Variants in FTCDNL1 observed in about 807,000 individuals in gnomAD.
FTCDNL1 encodes formiminotransferase cyclodeaminase N-terminal like.
FTCDNL1 carries 11 observed loss-of-function variants against 5.9 expected under a neutral mutation model. The ratio of observed to expected loss-of-function variants is 1.87; its 90% CI spans 1.18 to 3.10. The LOEUF (loss-of-function observed/expected upper bound fraction) is 3.10, where lower values mean the gene tolerates loss of function less well. Among genes scored for constraint, FTCDNL1 ranks in the 30% most tolerant of loss-of-function variants. The probability of loss-of-function intolerance (pLI) is 0.00; values close to 1 mark genes in which losing one functional copy is unlikely to be tolerated. For missense variants in FTCDNL1, 115 were observed against 65.5 expected (o/e 1.76, Z -2.61); for synonymous variants, 58 against 24.8 (o/e 2.34, Z -3.99).
chr2:199,729,107 A>G, the FTCDNL1 span, among the ~76,000 whole-genome samples: 2 of 152,360 alleles, frequency 1.3e-5, no homozygotes, highest in Admixed American at 1.3e-4. Flanking sequence ...CTGCGATGAG[A>G]TGACGGAATA....
the FTCDNL1 span, among the ~76,000 whole-genome samples, chr2:199,721,447 G>A: frequency 0.21 from 31,667 of 152,060 alleles, 3,554 homozygotes; most frequent in East Asian, 0.33. Context: ...AAAGGACATA[G>A]TCTCATTCCT....
downstream of FTCDNL1, among the ~76,000 whole-genome samples, chr2:199,758,101 A>G (rs1255765127): frequency 6.6e-6 from 1 of 152,092 alleles, no homozygotes; most frequent in African/African-American, 2.4e-5. Flanking sequence ...CTGGGGGTCC[A>G]AAAGGAAAAT....
chr2:199,689,823 A>AAAAAAG, the FTCDNL1 span, among the ~76,000 whole-genome samples: 33 of 151,828 alleles, frequency 2.2e-4, no homozygotes, highest in Non-Finnish European at 4.3e-4. Flanking sequence ...AAAAAAAAAA[A>AAAAAAG]AAAAAAGAAT....
chr2:199,685,555 G>C, the FTCDNL1 span, among the ~76,000 whole-genome samples: 26 of 152,128 alleles, frequency 1.7e-4, no homozygotes, highest in African/African-American at 5.6e-4. Context: ...ATCACGGTTA[G>C]AGTCTTGCTG....
chr2:199,848,196 A>T (rs1303766650), intron 2 of FTCDNL1, among the ~76,000 whole-genome samples: 2 of 152,232 alleles, frequency 1.3e-5, no homozygotes, highest in Non-Finnish European at 2.9e-5. Context: ...GGAACATTTT[A>T]AAAAATGAAA....
intron 3 of FTCDNL1, among the ~76,000 whole-genome samples, chr2:199,825,278 T>C (rs1345331590): frequency 6.6e-6 from 1 of 152,110 alleles, no homozygotes; most frequent in Non-Finnish European, 1.5e-5. Context: ...ATGGACTCAC[T>C]TGATGCAGGG....
At chr2:199,830,769 C>T (rs992131285) in intron 3 of FTCDNL1, among the ~76,000 whole-genome samples, 6 of 152,098 alleles carry the variant, frequency 3.9e-5, no homozygotes, top group African/African-American at 1.4e-4. Flanking sequence ...TACACATGCA[C>T]GAGATACAGA....
downstream of FTCDNL1, among the ~76,000 whole-genome samples, chr2:199,757,273 C>T (rs970226516): frequency 2.0e-5 from 3 of 152,040 alleles, no homozygotes; most frequent in Non-Finnish European, 4.4e-5. Context: ...TTTCTCTTTG[C>T]TATTTTGTGA....
At chr2:199,677,120 C>G in the FTCDNL1 span, among the ~76,000 whole-genome samples, 3 of 152,104 alleles carry the variant, frequency 2.0e-5, no homozygotes, top group African/African-American at 7.2e-5. Flanking sequence ...TTTCAATGTG[C>G]CATGTGTGTA....
intron 3 of FTCDNL1, among the ~76,000 whole-genome samples, chr2:199,822,526 G>A (rs1016937087): frequency 1.3e-5 from 2 of 152,190 alleles, no homozygotes; most frequent in East Asian, 1.9e-4. Flanking sequence ...GATGGCTGCC[G>A]AAGGCTGGAG....
intron 3 of FTCDNL1, among the ~76,000 whole-genome samples, chr2:199,828,528 T>C (rs1702169532): frequency 6.6e-6 from 1 of 152,212 alleles, no homozygotes; most frequent in Admixed American, 6.5e-5. Context: ...AAACTTGAGC[T>C]TGTGAAAGAG....
chr2:199,716,645 T>A, the FTCDNL1 span, among the ~76,000 whole-genome samples: 1 of 152,160 alleles, frequency 6.6e-6, no homozygotes, highest in Non-Finnish European at 1.5e-5. Flanking sequence ...AATGGAGGCT[T>A]CTGATTATTT....
At chr2:199,689,733 C>A in the FTCDNL1 span, among the ~76,000 whole-genome samples, 1 of 151,092 alleles carries the variant, frequency 6.6e-6, no homozygotes, top group Non-Finnish European at 1.5e-5. Flanking sequence ...ATCGCTTAAA[C>A]CCAGGAGGCA....
chr2:199,712,987 AT>A, the FTCDNL1 span, among the ~76,000 whole-genome samples: 3 of 152,340 alleles, frequency 2.0e-5, no homozygotes, highest in South Asian at 6.2e-4. Flanking sequence ...TGGGGACACA[AT>A]TCAACCTACA....
the FTCDNL1 span, among the ~76,000 whole-genome samples, chr2:199,701,039 C>T: frequency 6.6e-6 from 1 of 151,960 alleles, no homozygotes; most frequent in Admixed American, 6.6e-5. Context: ...AAAAACTGTC[C>T]TTGGAGTTAT....
At chr2:199,682,677 T>C in the FTCDNL1 span, among the ~76,000 whole-genome samples, 6 of 152,338 alleles carry the variant, frequency 3.9e-5, no homozygotes, top group Middle Eastern at 3.4e-3. Context: ...TTCAGAAATT[T>C]TGCAATTAGC....
intron 3 of FTCDNL1, among the ~76,000 whole-genome samples, chr2:199,771,714 C>T (rs189766929): frequency 1.7e-4 from 26 of 152,272 alleles, no homozygotes; most frequent in South Asian, 4.1e-4. Flanking sequence ...TTCCATACCA[C>T]CCAATGACAG....
intron 3 of FTCDNL1, among the ~76,000 whole-genome samples, chr2:199,791,623 G>T (rs1369779730): frequency 6.6e-6 from 1 of 152,048 alleles, no homozygotes; most frequent in Non-Finnish European, 1.5e-5. Context: ...AAGAGAATTG[G>T]TCATTTTATG....
chr2:199,834,389 C>A (rs1702573957), intron 3 of FTCDNL1, among the ~76,000 whole-genome samples: 1 of 152,178 alleles, frequency 6.6e-6, no homozygotes. Context: ...AAAACACCAG[C>A]CTCGCTCCCT....
Sources: gnomAD v4.1 joint callset for allele counts (sites outside exome capture counted in the v4.1 genomes callset) on GRCh38, gnomAD v4.1.1 for gene constraint, MANE v1.5 for transcripts, NCBI Gene and HGNC (gene_info 2026-07-23, HGNC 2026-07-21) for gene names.